Variants in POLR3G observed in about 807,000 individuals in gnomAD.
POLR3G encodes DNA-directed RNA polymerase III subunit RPC7.
In POLR3G, 28 loss-of-function variants were observed where a neutral mutation model predicts 30.1. The ratio of observed to expected loss-of-function variants is 0.93; its 90% CI spans 0.69 to 1.27. POLR3G has a LOEUF of 1.27. Among genes scored for constraint, POLR3G ranks in the 50% most tolerant of loss-of-function variants. The probability of loss-of-function intolerance (pLI) is 0.00; values close to 1 mark genes in which losing one functional copy is unlikely to be tolerated. For synonymous variants in POLR3G, 79 were observed against 82.5 expected (o/e 0.96, Z 0.23); for missense variants, 254 against 264.6 (o/e 0.96, Z 0.28).
In POLR3G at chr5:90,487,900, T is replaced by C. The variant is rs570017162; in HGVS notation, c.118-100T>C. 4.3e-6 allele frequency: 4 copies of C among 937,918 alleles called. No individual in the cohort carries two copies. The East Asian group carries it at 1.2e-4, about 29-fold the overall frequency. 58.1% of individuals were successfully genotyped at this position (937,918 alleles called of 1,614,324 possible). A position where few individuals can be genotyped will look rare whatever the true frequency, so the allele number is the denominator to read the frequency against. On this transcript the variant is annotated intron_variant, in intron 2 of 7. Coordinates refer to ENST00000651687, the MANE Select transcript of POLR3G (RefSeq NM_006467.3). ...TGTAAAACTTAGTGCCTGTAAAACA[T>C]AGTATTTCAATAAAACTGCTGTTTT...
intron 3 of POLR3G, among the ~76,000 whole-genome samples, chr5:90,489,306 C>T (rs188740491): frequency 6.7e-6 from 1 of 148,650 alleles, no homozygotes; most frequent in East Asian, 2.0e-4. Flanking sequence ...ACTCTTGTCA[C>T]CCAGGCTGGA....
chr5:90,506,457 C>A, intron 6 of POLR3G, 71 bp from the exon 7 acceptor site: 1 of 1,532,644 alleles, frequency 6.5e-7, no homozygotes, highest in Non-Finnish European at 8.8e-7. Flanking sequence ...ATAACTGTTC[C>A]CTTAAGGCTA....
chr5:90,495,568 T>A, intron 3 of POLR3G, 109 bp from the exon 4 acceptor site: 3 of 1,467,596 alleles, frequency 2.0e-6, no homozygotes, highest in Non-Finnish European at 2.7e-6. Context: ...ACTCCCTGTA[T>A]GTAAAATTAA....
At chr5:90,476,988 T>C (rs1750856771) in intron 1 of POLR3G, among the ~76,000 whole-genome samples, 3 of 152,248 alleles carry the variant, frequency 2.0e-5, no homozygotes, top group South Asian at 4.1e-4. Context: ...TGTTCACTAC[T>C]GTATTCCCAA....
chr5:90,490,106 C>CA (rs745413710), intron 3 of POLR3G, among the ~76,000 whole-genome samples: 1,690 of 134,922 alleles, frequency 0.013, 15 homozygotes, highest in Non-Finnish European at 0.016. Flanking sequence ...GACTCTGTCT[C>CA]AAAAAAAAAA....
chr5:90,478,117 C>T (rs80179024), intron 1 of POLR3G, among the ~76,000 whole-genome samples: 3,869 of 152,256 alleles, frequency 0.025, 162 homozygotes, highest in African/African-American at 0.089. Context: ...CCTCATAACT[C>T]ATAAAATGTT....
intron 6 of POLR3G, among the ~76,000 whole-genome samples, chr5:90,504,501 G>A (rs931445577): frequency 6.6e-6 from 1 of 151,338 alleles, no homozygotes; most frequent in South Asian, 2.1e-4. Context: ...GGTGGAGCTT[G>A]CAGTGAGCCG....
At chr5:90,474,001 C>A (rs1179934133), upstream of POLR3G, 2 of 1,598,654 alleles carry the variant, frequency 1.3e-6, no homozygotes, top group East Asian at 4.5e-5. Context: ...TGCACTGCCA[C>A]GCGGTCGAAC....
chr5:90,485,009 A>T (rs991933759), intron 1 of POLR3G, among the ~76,000 whole-genome samples: 1 of 150,524 alleles, frequency 6.6e-6, no homozygotes, highest in Admixed American at 6.6e-5. Context: ...TTTTCTCTGA[A>T]TTTTTTTTTT....
chr5:90,512,181 G>GTCC lies in POLR3G; in HGVS notation c.*42_*43insTCC. On this transcript the variant is annotated 3_prime_UTR_variant, in exon 8 of 8. Coordinates refer to ENST00000651687, the MANE Select transcript of POLR3G (RefSeq NM_006467.3). ...AAAATATTTTTATGATGCAGCTTCTGAACATTTGGACAGACTTGATTTGTA... is the reference window on the plus strand; with the variant it reads ...AAAATATTTTTATGATGCAGCTTCTGTCCAACATTTGGACAGACTTGATTTGTA... The GTCC allele has an allele frequency of 8.5e-7, 1 of 1,180,318 alleles. No individual in the cohort carries two copies. Among genetic ancestry groups the GTCC allele is most frequent in the Non-Finnish European group, 1.3e-6 (1 of 787,994 alleles). 73.1% of individuals were successfully genotyped at this position (1,180,318 alleles called of 1,614,324 possible). A position where few individuals can be genotyped will look rare whatever the true frequency, so the allele number is the denominator to read the frequency against.
At chr5:90,480,845 G>A (rs1202944373) in intron 1 of POLR3G, among the ~76,000 whole-genome samples, 2 of 152,196 alleles carry the variant, frequency 1.3e-5, no homozygotes, top group African/African-American at 4.8e-5. Flanking sequence ...AGTGAAAGGT[G>A]TGACCCCTTC....
At chr5:90,482,696 T>C (rs1751203194) in intron 1 of POLR3G, among the ~76,000 whole-genome samples, 1 of 152,160 alleles carries the variant, frequency 6.6e-6, no homozygotes, top group African/African-American at 2.4e-5. Flanking sequence ...ACTACCCAGA[T>C]CGATTAACTG....
intron 6 of POLR3G, among the ~76,000 whole-genome samples, chr5:90,506,004 GTGGGCAGA>G (rs1484195076): frequency 1.3e-5 from 2 of 152,128 alleles, no homozygotes; most frequent in Non-Finnish European, 2.9e-5. Context: ...GGAGGCTAAG[GTGGGCAGA>G]TCTCTTGAGA....
In POLR3G at chr5:90,513,245, T is replaced by G. The variant is rs78645050; in HGVS notation, c.*1106T>G. On this transcript the variant is annotated 3_prime_UTR_variant, in exon 8 of 8. Coordinates refer to ENST00000651687, the MANE Select transcript of POLR3G (RefSeq NM_006467.3). ...CAATGTTATCTACCAAAAGAAATAA[T>G]TTTATTTTTCCCCTTTGGGGAGATA... 1.0e-4 allele frequency: 16 copies of G among 152,716 alleles called. No homozygotes were observed. The East Asian group carries it at 2.9e-3, about 28-fold the overall frequency. The allele number at this position is 152,716 out of a possible 1,614,324, so 9.5% of individuals were successfully genotyped here.
intron 6 of POLR3G, among the ~76,000 whole-genome samples, chr5:90,504,574 A>C (rs1008754499): frequency 6.6e-6 from 1 of 152,064 alleles, no homozygotes; most frequent in African/African-American, 2.4e-5. Context: ...AAAAAAAAAA[A>C]AGTACTTTTA....
At chr5:90,492,109 A>G (rs1262989839) in intron 3 of POLR3G, among the ~76,000 whole-genome samples, 1 of 152,252 alleles carries the variant, frequency 6.6e-6, no homozygotes, top group Non-Finnish European at 1.5e-5. Flanking sequence ...GCAAAGAGAT[A>G]GATAGCTCTC....
chr5:90,499,461 G>A (rs1752139716), intron 5 of POLR3G, among the ~76,000 whole-genome samples: 1 of 152,210 alleles, frequency 6.6e-6, no homozygotes, highest in Non-Finnish European at 1.5e-5. Flanking sequence ...TGACATGTTG[G>A]TTATTGTGAC....
chr5:90,487,453 G>A (rs1751501713), intron 2 of POLR3G, among the ~76,000 whole-genome samples: 1 of 135,194 alleles, frequency 7.4e-6, no homozygotes, highest in South Asian at 2.5e-4. Flanking sequence ...GTACAGTGGC[G>A]CGATCTTGGC....
At position 90,488,075 on chromosome 5, in the gene POLR3G, A is replaced by T. The variant is rs757746737; in HGVS notation, c.193A>T (p.Arg65Ter). Reference sequence around the variant, plus strand: ...TATGCTGGCTTTGAAACAGGAGTTGAGAGAAACAATGAAAAGAATGCCTTA... The same window carrying T: ...TATGCTGGCTTTGAAACAGGAGTTGTGAGAAACAATGAAAAGAATGCCTTA... ...EYMLALKQEL[R>*]ETMKRMPYFI... The change falls in exon 3 of 8, where the codon AGA (arginine) becomes TGA (stop). Residue 65 changes from arginine (R) to a stop codon, truncating the protein, a stop_gained. Transcript: ENST00000651687. LOFTEE classifies it high-confidence loss of function. 2.5e-6 allele frequency: 4 copies of T among 1,612,096 alleles called. No homozygotes were observed. The highest frequency in any genetic ancestry group is 1.7e-5 in the Admixed American group (1 of 59,748).
Sources: gnomAD v4.1 joint callset for allele counts (sites outside exome capture counted in the v4.1 genomes callset) on GRCh38, gnomAD v4.1.1 for gene constraint, MANE v1.5 for transcripts, NCBI Gene and HGNC (gene_info 2026-07-23, HGNC 2026-07-21) for gene names.